Variants in TTC23L observed in about 807,000 individuals in gnomAD.
TTC23L encodes the protein tetratricopeptide repeat domain 23 like.
TTC23L carries 42 observed loss-of-function variants against 48.1 expected under a neutral mutation model. The observed-to-expected ratio is 0.87, with a 90% CI of 0.68 to 1.13. The LOEUF (loss-of-function observed/expected upper bound fraction) is 1.13. Among genes scored for constraint, TTC23L ranks in the 50% most tolerant of loss-of-function variants. The pLI is 0.00. For missense variants in TTC23L, 391 were observed against 421.0 expected (o/e 0.93, Z 0.62); for synonymous variants, 159 against 157.2 (o/e 1.01, Z -0.09).
At chr5:34,914,935 A>G in the TTC23L span, 1 of 1,606,982 alleles carries the variant, frequency 6.2e-7, no homozygotes, top group South Asian at 1.1e-5. Flanking sequence ...CCTGGGGCCA[A>G]CAACTTCTCG....
the TTC23L span, chr5:34,911,713 G>A: frequency 6.2e-7 from 1 of 1,614,154 alleles, no homozygotes. Context: ...AGGTTCCTGT[G>A]TATTGATTTT....
chr5:34,922,251 A>G, the TTC23L span: 9 of 1,593,236 alleles, frequency 5.6e-6, no homozygotes, highest in African/African-American at 2.7e-5. Context: ...AAATGCATCT[A>G]TTTTGAAGCT....
chr5:34,840,246 G>GA lies in TTC23L; in HGVS notation c.-7-419_-7-418insA, dbSNP rs1054742613. Reference sequence around the variant, plus strand: ...ATTAGTGAAATGACCCCGGGGGGGGGGGGGAAAGCAGAATTAACCAATACA... The same window carrying GA: ...ATTAGTGAAATGACCCCGGGGGGGGGAGGGGAAAGCAGAATTAACCAATACA... On this transcript the variant is annotated intron_variant, in intron 1 of 10. Coordinates refer to ENST00000505624, the Ensembl canonical transcript of TTC23L. Among the ~76,000 whole-genome samples the GA allele has an allele frequency of 6.3e-3, 902 of 142,592 alleles. 120 individuals carry two copies. Among genetic ancestry groups the GA allele is most frequent in the African/African-American group, 0.023 (855 of 37,642 alleles). The allele number at this position is 142,592 out of a possible 152,430, so 93.5% of individuals were successfully genotyped here.
At chr5:34,913,412 G>C in the TTC23L span, 3,291 of 993,902 alleles carry the variant, frequency 3.3e-3, 84 homozygotes, top group African/African-American at 0.048. Flanking sequence ...ATAACTTCCT[G>C]TATTTTTCTG....
the TTC23L span, chr5:34,914,997 T>TG: frequency 7.7e-7 from 1 of 1,295,602 alleles, no homozygotes; most frequent in Non-Finnish European, 1.1e-6. Flanking sequence ...CCATCAGTGC[T>TG]GGCGAGGTCC....
intron 8 of TTC23L, among the ~76,000 whole-genome samples, chr5:34,877,774 A>G (rs1020031717): frequency 6.6e-6 from 1 of 152,160 alleles, no homozygotes; most frequent in African/African-American, 2.4e-5. Flanking sequence ...TAAGACTGGG[A>G]ACAAGACAGT....
chr5:34,877,622 C>G (rs778383430), intron 8 of TTC23L, among the ~76,000 whole-genome samples: 1 of 152,034 alleles, frequency 6.6e-6, no homozygotes. Context: ...CGGGGTTTCA[C>G]CATGTTGGCC....
At chr5:34,866,598 G>A (rs527669450) in intron 6 of TTC23L, among the ~76,000 whole-genome samples, 1 of 152,178 alleles carries the variant, frequency 6.6e-6, no homozygotes, top group African/African-American at 2.4e-5. Flanking sequence ...ATGTTTATGG[G>A]TGAATTATCC....
intron 9 of TTC23L, among the ~76,000 whole-genome samples, chr5:34,884,330 A>G (rs530727734): frequency 2.0e-5 from 3 of 152,362 alleles, no homozygotes; most frequent in African/African-American, 7.2e-5. Flanking sequence ...AAAAACTGAA[A>G]GCTTTTCCTT....
chr5:34,904,668 C>T, the TTC23L span, among the ~76,000 whole-genome samples: 3 of 151,918 alleles, frequency 2.0e-5, no homozygotes, highest in East Asian at 1.9e-4. Context: ...GGTAAGTTCA[C>T]CCACCACTGC....
At chr5:34,925,124 C>T in the TTC23L span, 1 of 1,438,262 alleles carries the variant, frequency 7.0e-7, no homozygotes, top group Non-Finnish European at 9.2e-7. Flanking sequence ...TTTTTCATGA[C>T]ACTGGCTGAA....
In TTC23L at chr5:34,839,658, A is replaced by G. The variant is rs943870307; in HGVS notation, c.-8+399A>G. 6 of 985,380 alleles carry G rather than the reference A, an allele frequency of 6.1e-6. No homozygotes were observed. In the African/African-American group the frequency reaches 8.7e-5, roughly 14 times the overall value. 61.0% of individuals were successfully genotyped at this position (985,380 alleles called of 1,614,324 possible). A position where few individuals can be genotyped will look rare whatever the true frequency, so the allele number is the denominator to read the frequency against. On this transcript the variant is annotated intron_variant, in intron 1 of 10. Coordinates refer to ENST00000505624, the Ensembl canonical transcript of TTC23L. ...TAATGGATGCTCTGGAGCCTGGGTC[A>G]GAAAGCCACTCAGGGCTCGGTGGGA...
At position 34,869,078 on chromosome 5, in the gene TTC23L, G is replaced by A. The variant is rs1476640258; in HGVS notation, c.949+65G>A. 1.8e-5 allele frequency: 23 copies of A among 1,285,062 alleles called. 2 individuals are homozygous for A. In the South Asian group the frequency reaches 2.9e-4, roughly 16 times the overall value. 79.6% of individuals were successfully genotyped at this position (1,285,062 alleles called of 1,614,324 possible). A position where few individuals can be genotyped will look rare whatever the true frequency, so the allele number is the denominator to read the frequency against. Reference sequence around the variant, plus strand: ...CATGAGGGAAGCACATTGGCAAACAGCCTATCTAAGATTCTAATTAGCTAT... The same window carrying A: ...CATGAGGGAAGCACATTGGCAAACAACCTATCTAAGATTCTAATTAGCTAT... On this transcript the variant is annotated intron_variant, in intron 8 of 10. Coordinates refer to ENST00000505624, the Ensembl canonical transcript of TTC23L.
intron 3 of TTC23L, among the ~76,000 whole-genome samples, chr5:34,847,941 G>A (rs906856361): frequency 6.6e-6 from 1 of 152,006 alleles, no homozygotes; most frequent in African/African-American, 2.4e-5. Context: ...TCTTTAAATG[G>A]GTTACTTTGG....
the TTC23L span, chr5:34,909,004 C>A: frequency 1.4e-6 from 2 of 1,412,386 alleles, no homozygotes; most frequent in Non-Finnish European, 2.0e-6. Context: ...CTGCTCAGAA[C>A]TCCCAAGTAA....
chr5:34,844,705 C>T (rs1758969738), intron 2 of TTC23L, among the ~76,000 whole-genome samples: 1 of 152,144 alleles, frequency 6.6e-6, no homozygotes, highest in South Asian at 2.1e-4. Flanking sequence ...CTTATTTATA[C>T]TTAAAATTTC....
chr5:34,847,806 T>C (rs929370729), intron 3 of TTC23L, among the ~76,000 whole-genome samples: 1 of 152,198 alleles, frequency 6.6e-6, no homozygotes, highest in African/African-American at 2.4e-5. Flanking sequence ...CCTTCTACCA[T>C]TGCTTGCTTC....
exon 1 of TTC23L, chr5:34,839,215 G>A (rs1397814762): frequency 6.5e-6 from 1 of 152,768 alleles, no homozygotes; most frequent in Non-Finnish European, 1.5e-5. Flanking sequence ...GGACGTCGCA[G>A]GCTGTGCAGC....
At chr5:34,916,516 C>T in the TTC23L span, 1 of 152,240 alleles carries the variant, frequency 6.6e-6, no homozygotes, top group African/African-American at 2.4e-5. Flanking sequence ...AATGTGACCT[C>T]TTCCTCCTGA....
Sources: allele counts gnomAD v4.1 joint callset (sites outside exome capture counted in the v4.1 genomes callset), GRCh38; gene constraint gnomAD v4.1.1; transcripts MANE v1.5; gene names NCBI Gene and HGNC (gene_info 2026-07-23, HGNC 2026-07-21).